Variants in NCAM2 observed in about 807,000 individuals in gnomAD.
NCAM2 encodes neural cell adhesion molecule 2.
A neutral mutation model predicts 98.1 loss-of-function variants in NCAM2; 30 were observed. That is an observed-to-expected ratio of 0.31 (90% CI 0.23 to 0.41). The LOEUF is 0.41. NCAM2 is among the 10% of genes least tolerant of loss of function. The pLI is 1.00. For missense variants in NCAM2, 867 were observed against 1,005.8 expected (o/e 0.86, Z 1.87); for synonymous variants, 368 against 342.4 (o/e 1.07, Z -0.83).
At chr21:21,067,802 G>A (rs2065471274) in intron 1 of NCAM2, among the ~76,000 whole-genome samples, 1 of 152,146 alleles carries the variant, frequency 6.6e-6, no homozygotes, top group Non-Finnish European at 1.5e-5. Context: ...ATTAGAATCA[G>A]TATATGTTTT....
At chr21:21,416,942 A>C (rs2077006499) in intron 10 of NCAM2, among the ~76,000 whole-genome samples, 1 of 151,832 alleles carries the variant, frequency 6.6e-6, no homozygotes, top group South Asian at 2.1e-4. Flanking sequence ...TGTTTTCTTT[A>C]TTTATTAAGC....
intron 1 of NCAM2, among the ~76,000 whole-genome samples, chr21:21,168,988 A>G (rs900772288): frequency 3.3e-5 from 5 of 152,156 alleles, no homozygotes; most frequent in African/African-American, 1.2e-4. Flanking sequence ...GACCAATTCA[A>G]TATTGAAGCA....
chr21:21,387,431 A>G (rs931716470), intron 9 of NCAM2, among the ~76,000 whole-genome samples: 3 of 152,086 alleles, frequency 2.0e-5, no homozygotes, highest in Non-Finnish European at 4.4e-5. Context: ...CACCTCATGG[A>G]TAGGACAAGT....
At chr21:21,101,883 A>G (rs1307789320) in intron 1 of NCAM2, among the ~76,000 whole-genome samples, 4 of 152,100 alleles carry the variant, frequency 2.6e-5, no homozygotes, top group Non-Finnish European at 5.9e-5. Context: ...CATAGCTTTG[A>G]CAATTATAAA....
At chr21:21,322,490 G>A (rs2074401881) in intron 5 of NCAM2, among the ~76,000 whole-genome samples, 1 of 152,162 alleles carries the variant, frequency 6.6e-6, no homozygotes, top group Non-Finnish European at 1.5e-5. Flanking sequence ...GAAAAAAAGG[G>A]TTGTGAGTCT....
chr21:21,524,359 C>G (rs1430244487), intron 16 of NCAM2, among the ~76,000 whole-genome samples: 1 of 149,706 alleles, frequency 6.7e-6, no homozygotes, highest in African/African-American at 2.5e-5. Flanking sequence ...ATGAGAAATA[C>G]AGGTGTCCAC....
At chr21:21,399,148 T>C (rs1373038321) in intron 9 of NCAM2, among the ~76,000 whole-genome samples, 1 of 152,174 alleles carries the variant, frequency 6.6e-6, no homozygotes, top group Non-Finnish European at 1.5e-5. Flanking sequence ...CCATAAATAT[T>C]TAATGAGAAA....
At chr21:21,297,629 G>A (rs942262843) in intron 5 of NCAM2, among the ~76,000 whole-genome samples, 19 of 151,540 alleles carry the variant, frequency 1.3e-4, no homozygotes, top group South Asian at 4.2e-4. Flanking sequence ...TCATGGATAC[G>A]CTTTTCTAAA....
At chr21:21,394,724 T>G (rs1283154186) in intron 9 of NCAM2, among the ~76,000 whole-genome samples, 1 of 151,840 alleles carries the variant, frequency 6.6e-6, no homozygotes, top group African/African-American at 2.4e-5. Flanking sequence ...CCTGACCTCG[T>G]GATCCTCCTG....
At position 21,419,455 on chromosome 21, in the gene NCAM2, A is replaced by G. The variant is rs544845371; in HGVS notation, c.1480+886A>G. Among the ~76,000 whole-genome samples, 1,129 of 149,904 alleles carry G rather than the reference A, an allele frequency of 7.5e-3. 14 individuals are homozygous for G. The highest frequency in any genetic ancestry group is 0.027 in the African/African-American group (1,080 of 40,678). On this transcript the variant is annotated intron_variant, in intron 11 of 17. Transcript: ENST00000400546. ...TACACGTGCCATGCTGGTGTGCTGC[A>G]CCCATTAACTCGTCATTTAGCATTA...
intron 5 of NCAM2, among the ~76,000 whole-genome samples, chr21:21,308,742 A>G (rs760121388): frequency 1.2e-4 from 19 of 152,184 alleles, no homozygotes; most frequent in African/African-American, 4.6e-4. Context: ...TTTCACATAT[A>G]TAGGCTACTT....
At chr21:21,125,576 CATAT>C (rs61382460) in intron 1 of NCAM2, among the ~76,000 whole-genome samples, 25 of 114,588 alleles carry the variant, frequency 2.2e-4, no homozygotes, top group South Asian at 1.3e-3. Flanking sequence ...GCATATAAAA[CATAT>C]AATATACATA....
chr21:21,324,652 GT>G (rs2074466036), intron 6 of NCAM2, 152 bp downstream of exon 6: 2 of 601,876 alleles, frequency 3.3e-6, no homozygotes, highest in African/African-American at 1.8e-5. Context: ...GCTTACGGTG[GT>G]TAGATTAAAC....
chr21:21,218,274 C>T (rs146533274), intron 1 of NCAM2, among the ~76,000 whole-genome samples: 77 of 152,224 alleles, frequency 5.1e-4, no homozygotes, highest in African/African-American at 1.8e-3. Flanking sequence ...TTACCAGATT[C>T]CATCTAGCAT....
chr21:21,220,839 A>G (rs747410157), intron 1 of NCAM2, among the ~76,000 whole-genome samples: 1 of 152,202 alleles, frequency 6.6e-6, no homozygotes, highest in African/African-American at 2.4e-5. Flanking sequence ...TCCTGAGCTG[A>G]TAAGATTGCC....
intron 1 of NCAM2, among the ~76,000 whole-genome samples, chr21:21,034,893 A>C (rs1045792287): frequency 1.3e-5 from 2 of 152,164 alleles, no homozygotes; most frequent in Non-Finnish European, 2.9e-5. Flanking sequence ...TAGGGTTTTT[A>C]AAAGTTACCT....
At chr21:21,477,810 T>C (rs1363724558) in intron 15 of NCAM2, among the ~76,000 whole-genome samples, 1 of 152,158 alleles carries the variant, frequency 6.6e-6, no homozygotes, top group African/African-American at 2.4e-5. Context: ...TCTCTGCCAA[T>C]CATGTGGAGA....
intron 1 of NCAM2, among the ~76,000 whole-genome samples, chr21:21,081,418 C>T (rs967180586): frequency 6.6e-6 from 1 of 152,138 alleles, no homozygotes. Context: ...GGTTGCCTGA[C>T]ATTCCTGGTG....
intron 1 of NCAM2, among the ~76,000 whole-genome samples, chr21:21,219,911 C>G (rs1601682705): frequency 6.6e-6 from 1 of 152,008 alleles, no homozygotes; most frequent in Admixed American, 6.6e-5. Context: ...GTTTGCGTCA[C>G]AGTTTTTAAC....
Sources: gnomAD v4.1 joint callset for allele counts (sites outside exome capture counted in the v4.1 genomes callset) on GRCh38, gnomAD v4.1.1 for gene constraint, MANE v1.5 for transcripts, NCBI Gene and HGNC (gene_info 2026-07-23, HGNC 2026-07-21) for gene names.